Variants in HELZ observed in about 807,000 individuals in gnomAD.
HELZ encodes helicase with zinc finger.
Under a neutral mutation model 218.2 loss-of-function variants are expected in HELZ, and 23 were observed. That is an observed-to-expected ratio of 0.11 (90% CI 0.08 to 0.15). HELZ has a LOEUF of 0.15. HELZ is among the 10% of genes least tolerant of loss of function. The pLI is 1.00. For missense variants in HELZ, 1,813 were observed against 2,353.7 expected, an observed-to-expected ratio of 0.77 and a Z score of 4.75; for synonymous variants, 814 against 829.4, an observed-to-expected ratio of 0.98 and a Z score of 0.32.
Position 67,078,373 on chromosome 17 carries a change from G to A in HELZ, c.5708C>T (p.Pro1903Leu), listed in dbSNP as rs1265324890. 1 of 1,610,788 alleles carries A rather than the reference G, an allele frequency of 6.2e-7. No homozygotes were observed. The highest frequency in any genetic ancestry group is 8.5e-7 in the Non-Finnish European group (1 of 1,179,026). Residue 1903 changes from proline to leucine, a missense_variant, in exon 33 of 33, where the codon CCT (proline) becomes CTT (leucine). Pro to Leu is a moderately conservative substitution (Grantham distance 98). Around this residue, in one of 4 missense-constraint regions of HELZ, gnomAD observed 938 missense variants for 1,027.5 expected, o/e 0.91. Coordinates refer to ENST00000358691, the MANE Select transcript of HELZ (RefSeq NM_014877.4). ...CTCAGGAGGGGGCCTGGGCTTTGGAGGGGCCCGCAGAGCGCTGGCATAGGA... is the reference window on the plus strand; with the variant it reads ...CTCAGGAGGGGGCCTGGGCTTTGGAAGGGCCCGCAGAGCGCTGGCATAGGA... ...AMSYASALRAPPKPRPPPEQA... is the reference protein window; with the variant it reads ...AMSYASALRALPKPRPPPEQA...
At position 67,245,145 on chromosome 17, in the gene HELZ, T is replaced by G; in HGVS notation, c.-132+3A>C. On this transcript the variant is annotated splice_donor_region_variant and intron_variant, in intron 1 of 32. Coordinates refer to ENST00000358691, the MANE Select transcript of HELZ (RefSeq NM_014877.4). ...AGCAGAGAAGGGGGAAGTCAGGACT[T>G]ACCTGTCATTACTTTCTACGCCATC... 1.0e-6 allele frequency: 1 copy of G among 984,950 alleles called. No homozygotes were observed. Among genetic ancestry groups the G allele is most frequent in the Non-Finnish European group, 1.2e-6 (1 of 829,844 alleles). The allele number at this position is 984,950 out of a possible 1,614,324, so 61.0% of individuals were successfully genotyped here.
intron 31 of HELZ, among the ~76,000 whole-genome samples, chr17:67,094,713 C>T (rs1404910409): frequency 6.6e-6 from 1 of 152,106 alleles, no homozygotes; most frequent in Non-Finnish European, 1.5e-5. Flanking sequence ...TCATTTGAGC[C>T]CATGAGTTTG....
At chr17:67,180,486 A>G (rs2039575757) in intron 12 of HELZ, among the ~76,000 whole-genome samples, 1 of 152,100 alleles carries the variant, frequency 6.6e-6, no homozygotes, top group Admixed American at 6.5e-5. Context: ...GCTCACGCCT[A>G]TAATCCTGGT....
At chr17:67,211,301 G>A (rs1249886548) in intron 5 of HELZ, among the ~76,000 whole-genome samples, 2 of 152,076 alleles carry the variant, frequency 1.3e-5, no homozygotes, top group African/African-American at 4.8e-5. Flanking sequence ...ACTTTAGATA[G>A]GTTAGGGAAT....
intron 24 of HELZ, among the ~76,000 whole-genome samples, chr17:67,128,220 T>C (rs1234462634): frequency 4.6e-5 from 7 of 152,172 alleles, no homozygotes; most frequent in Non-Finnish European, 7.3e-5. Flanking sequence ...CTCAAATAAA[T>C]TGGTCATCAG....
chr17:67,134,385 C>CA (rs750392717), intron 23 of HELZ, among the ~76,000 whole-genome samples: 122 of 130,628 alleles, frequency 9.3e-4, no homozygotes, highest in Admixed American at 1.4e-3. Context: ...AACTCTGTCT[C>CA]AAAAAAAAAA....
chr17:67,148,482 T>C (rs912229444), intron 20 of HELZ, 87 bp downstream of exon 20: 15 of 1,099,024 alleles, frequency 1.4e-5, no homozygotes, highest in Non-Finnish European at 1.7e-5. Context: ...TTGGGAATCA[T>C]CTGTCCCTAG....
chr17:67,245,132 G>C lies in HELZ; in HGVS notation c.-132+16C>G, dbSNP rs935969407. On this transcript the variant is annotated intron_variant, in intron 1 of 32. Coordinates refer to ENST00000358691, the MANE Select transcript of HELZ (RefSeq NM_014877.4). ...GAGCGGCCCCAGGAGCAGAGAAGGGGGAAGTCAGGACTTACCTGTCATTAC... is the reference window on the plus strand; with the variant it reads ...GAGCGGCCCCAGGAGCAGAGAAGGGCGAAGTCAGGACTTACCTGTCATTAC... 6 of 985,074 alleles carry C rather than the reference G, an allele frequency of 6.1e-6. No homozygotes were observed. In the South Asian group the frequency reaches 2.4e-4, roughly 39 times the overall value. The allele number at this position is 985,074 out of a possible 1,614,324, so 61.0% of individuals were successfully genotyped here.
At chr17:67,244,854 G>GGGCCAGGCGTGCAAGGCCCCCT in intron 1 of HELZ, 1 of 985,542 alleles carries the variant, frequency 1.0e-6, no homozygotes, top group East Asian at 1.1e-4. Flanking sequence ...GCAGGCTCCC[G>GGGCCAGGCGTGCAAGGCCCCCT]GGCCAGGCGT....
intron 23 of HELZ, among the ~76,000 whole-genome samples, chr17:67,131,582 A>G (rs1232272722): frequency 6.6e-6 from 1 of 151,902 alleles, no homozygotes; most frequent in Non-Finnish European, 1.5e-5. Flanking sequence ...CCATTGATAT[A>G]GCAAAATGGT....
Position 67,188,756 on chromosome 17 carries a change from A to G in HELZ, c.865-140T>C, listed in dbSNP as rs1173913230. On this transcript the variant is annotated intron_variant, in intron 11 of 32. Coordinates refer to ENST00000358691, the MANE Select transcript of HELZ (RefSeq NM_014877.4). The surrounding 1 kb of genome is among the most constrained non-coding windows in gnomAD (Gnocchi z 4.1). ...GATACTATAGCCATTTAAGAAAAAA[A>G]TCAGAATGGTTTTTTAAAATCAGTT... 1.6e-6 allele frequency: 1 copy of G among 641,386 alleles called. No individual in the cohort carries two copies. Among genetic ancestry groups the G allele is most frequent in the Admixed American group, 3.1e-5 (1 of 32,684 alleles). 39.7% of individuals were successfully genotyped at this position (641,386 alleles called of 1,614,324 possible).
chr17:67,145,176 A>G (rs2038456138), intron 21 of HELZ, among the ~76,000 whole-genome samples: 1 of 152,158 alleles, frequency 6.6e-6, no homozygotes, highest in Non-Finnish European at 1.5e-5. Context: ...CCTTAACTCC[A>G]GGGTTTCTGG....
At chr17:67,140,477 T>G (rs1188359967) in intron 21 of HELZ, among the ~76,000 whole-genome samples, 2 of 152,076 alleles carry the variant, frequency 1.3e-5, no homozygotes, top group Non-Finnish European at 2.9e-5. Flanking sequence ...AATTGTAGAT[T>G]TGAAATAACA....
At chr17:67,084,267 A>G (rs1205214859) in intron 32 of HELZ, among the ~76,000 whole-genome samples, 1 of 152,254 alleles carries the variant, frequency 6.6e-6, no homozygotes, top group Non-Finnish European at 1.5e-5. Context: ...CAGAAAAGAT[A>G]CCACAAATGA....
chr17:67,184,582 T>C lies in HELZ; in HGVS notation c.1162+3737A>G, dbSNP rs111893392. Among the ~76,000 whole-genome samples, 956 of 152,248 alleles carry C rather than the reference T, an allele frequency of 6.3e-3. 10 individuals carry two copies. The highest frequency in any genetic ancestry group is 0.022 in the African/African-American group (911 of 41,550). ...GGGAGGCTGAGGTAGAAGGATCACT[T>C]GAGCCTAGGACTTCGAGACCAGCCT... On this transcript the variant is annotated intron_variant, in intron 12 of 32. Coordinates refer to ENST00000358691, the MANE Select transcript of HELZ (RefSeq NM_014877.4).
chr17:67,166,430 A>G (rs1166293430), intron 15 of HELZ, 48 bp downstream of exon 15: 24 of 1,510,126 alleles, frequency 1.6e-5, no homozygotes, highest in Non-Finnish European at 2.2e-5. Context: ...CAGATATTCA[A>G]TTTAATATTA....
intron 5 of HELZ, 191 bp downstream of exon 5, chr17:67,215,708 A>G: frequency 1.6e-6 from 1 of 608,174 alleles, no homozygotes; most frequent in Non-Finnish European, 3.0e-6. Flanking sequence ...GAACTTAAAC[A>G]TTCATGAGTA....
In HELZ at chr17:67,138,090, C is replaced by T. The variant is rs1463960097; in HGVS notation, c.2794G>A (p.Glu932Lys). The T allele has an allele frequency of 6.2e-7, 1 of 1,612,942 alleles. No individual in the cohort carries two copies. The highest frequency in any genetic ancestry group is 2.2e-5 in the East Asian group (1 of 44,840). The change falls in exon 22 of 33, where the codon GAA becomes AAA. Residue 932 changes from glutamate to lysine, a missense_variant. By Grantham distance (56) the Glu-to-Lys change is moderately conservative. Transcript: ENST00000358691. ...AEVFEVVERV[E>K]ELRRKWPVAW... Reference sequence around the variant, plus strand: ...ACTGGCCACTTCCTTCTTAACTCTTCTACACGTTCCACCACTTCAAACACC... The same window carrying T: ...ACTGGCCACTTCCTTCTTAACTCTTTTACACGTTCCACCACTTCAAACACC...
chr17:67,227,336 G>A (rs1325261325), intron 3 of HELZ, among the ~76,000 whole-genome samples: 1 of 151,904 alleles, frequency 6.6e-6, no homozygotes, highest in Non-Finnish European at 1.5e-5. Context: ...GGGACTACAG[G>A]CACACACCAC....
Sources: allele counts gnomAD v4.1 joint callset (sites outside exome capture counted in the v4.1 genomes callset), GRCh38; gene constraint gnomAD v4.1.1; regional missense constraint gnomAD v4.1.1; non-coding constraint Gnocchi (gnomAD v3.1); transcripts MANE v1.5; gene names NCBI Gene and HGNC (gene_info 2026-07-23, HGNC 2026-07-21).